The following UNC80 variants were observed in gnomAD, a reference collection of about 807,000 sequenced individuals.
The protein encoded by UNC80 is protein unc-80 homolog.
UNC80 carries 164 observed loss-of-function variants against 384.6 expected under a neutral mutation model. The ratio of observed to expected loss-of-function variants is 0.43; its 90% confidence interval spans 0.38 to 0.49. UNC80 has a LOEUF of 0.49. Ranked by LOEUF, UNC80 falls within the 20% of genes least tolerant of loss-of-function variation. The probability of loss-of-function intolerance (pLI) is 0.00; values close to 1 mark genes in which losing one functional copy is unlikely to be tolerated. For missense variants in UNC80, 3,330 were observed against 4,143.0 expected (o/e 0.80, Z 5.39); for synonymous variants, 1,486 against 1,527.8 (o/e 0.97, Z 0.64).
intron 36 of UNC80, among the ~76,000 whole-genome samples, chr2:209,929,016 T>G (rs2090645998): frequency 6.6e-6 from 1 of 152,218 alleles, no homozygotes; most frequent in African/African-American, 2.4e-5. Flanking sequence ...CTATTTTAAT[T>G]AGTTATAGAG....
chr2:209,786,270 C>T, intron 5 of UNC80, 81 bp downstream of exon 5: 6 of 1,477,558 alleles, frequency 4.1e-6, no homozygotes, highest in Non-Finnish European at 5.4e-6. Flanking sequence ...ATAATTTGCC[C>T]CTAAGAAGTC....
At chr2:209,831,896 G>C (rs572723325) in intron 16 of UNC80, among the ~76,000 whole-genome samples, 1 of 152,248 alleles carries the variant, frequency 6.6e-6, no homozygotes, top group East Asian at 1.9e-4. Context: ...CTAGAGCACA[G>C]CTTGTTGGCT....
At chr2:209,857,876 T>C (rs2083052443) in intron 22 of UNC80, among the ~76,000 whole-genome samples, 1 of 152,226 alleles carries the variant, frequency 6.6e-6, no homozygotes, top group Non-Finnish European at 1.5e-5. Context: ...TCAATTTGTG[T>C]TGTTAATTTC....
rs182116110 is a variant in UNC80, at chr2:209,815,679, G to T, written c.1335+288G>T. 1.1e-4 allele frequency among the ~76,000 whole-genome samples: 17 copies of T among 152,274 alleles called. No individual in the cohort carries two copies. The East Asian group carries it at 2.1e-3, about 19-fold the overall frequency. On this transcript the variant is annotated intron_variant, in intron 9 of 64. Transcript: ENST00000673920. ...TAGTGTGGTGGTGGAAGTAGTTGTG[G>T]TAACGATGATGGTAACTTTCAACTC...
Position 209,993,307 on chromosome 2 carries a change from C to G in UNC80, c.9397-8C>G. On this transcript the variant is annotated splice_polypyrimidine_tract_variant and splice_region_variant and intron_variant, in intron 62 of 64. Coordinates refer to ENST00000673920, the MANE Select transcript of UNC80 (RefSeq NM_001371986.1). ...TCTTGCAAGTTTTATTCTGCCTATT[C>G]TCTTTAGCTAAGACGTCCTCTACTA... 1.9e-6 allele frequency: 3 copies of G among 1,550,598 alleles called. No homozygotes were observed. The highest frequency in any genetic ancestry group is 2.6e-6 in the Non-Finnish European group (3 of 1,146,124).
intron 27 of UNC80, among the ~76,000 whole-genome samples, chr2:209,894,933 A>G (rs558609010): frequency 4.6e-5 from 7 of 152,302 alleles, no homozygotes; most frequent in African/African-American, 1.7e-4. Flanking sequence ...TCAACAAGTC[A>G]TTTAGGTTCT....
chr2:209,869,678 G>A (rs1240500927), intron 22 of UNC80, among the ~76,000 whole-genome samples: 3 of 152,232 alleles, frequency 2.0e-5, no homozygotes, highest in South Asian at 4.1e-4. Context: ...GATGGAAACA[G>A]TGACATTTCC....
chr2:209,849,373 T>C, intron 21 of UNC80, 78 bp from the exon 22 acceptor site: 5 of 1,485,022 alleles, frequency 3.4e-6, no homozygotes, highest in Non-Finnish European at 4.6e-6. Context: ...CACTGTTATA[T>C]CTTTGAAACT....
Position 209,976,925 on chromosome 2 carries a change from C to A in UNC80, c.8785C>A (p.Pro2929Thr). The change falls in exon 58 of 65, where the codon CCA becomes ACA. Residue 2929 changes from proline to threonine, a missense_variant. Transcript: ENST00000673920. The surrounding 1 kb of genome is among the most constrained non-coding windows in gnomAD (Gnocchi z 4.3). Reference sequence around the variant, plus strand: ...GCCTTCCTTTCAGCTGCTGGCCCAACCAGCAGAGAATCATGAAGAGCTTTC... The same window carrying A: ...GCCTTCCTTTCAGCTGCTGGCCCAAACAGCAGAGAATCATGAAGAGCTTTC... ...PFIQCKLLAQ[P>T]AENHEELSAR... 21 of 1,515,912 alleles carry A rather than the reference C, an allele frequency of 1.4e-5. No homozygotes were observed. Among genetic ancestry groups the A allele is most frequent in the Non-Finnish European group, 1.8e-5 (20 of 1,117,658 alleles). 93.9% of individuals were successfully genotyped at this position (1,515,912 alleles called of 1,614,324 possible).
At chr2:209,788,651 A>G (rs573416885) in intron 5 of UNC80, among the ~76,000 whole-genome samples, 2 of 144,314 alleles carry the variant, frequency 1.4e-5, no homozygotes, top group Non-Finnish European at 3.0e-5. Flanking sequence ...TAAAAAGCTT[A>G]TAGAATAAAG....
chr2:209,820,602 G>C lies in UNC80; in HGVS notation c.2254G>C (p.Gly752Arg), dbSNP rs1211114933. Residue 752 changes from glycine (G) to arginine (R), a missense_variant, in exon 13 of 65, where the codon GGT becomes CGT. By Grantham distance (125) the Gly-to-Arg change is moderately radical. This residue lies in a region of UNC80 where 937 missense variants were observed against 1,026.8 expected (regional missense o/e 0.91). Coordinates refer to ENST00000673920, the MANE Select transcript of UNC80 (RefSeq NM_001371986.1). ...GEEGGGGDGG[G>R]GGGDGGGGGG... Reference sequence around the variant, plus strand: ...AGAAGGAGGAGGTGGAGATGGAGGAGGTGGAGGAGGTGATGGAGGAGGAGG... The same window carrying C: ...AGAAGGAGGAGGTGGAGATGGAGGACGTGGAGGAGGTGATGGAGGAGGAGG... 6.4e-7 allele frequency: 1 copy of C among 1,551,050 alleles called. No individual in the cohort carries two copies. The highest frequency in any genetic ancestry group is 8.7e-7 in the Non-Finnish European group (1 of 1,146,672).
At chr2:209,867,220 T>C (rs1221079778) in intron 22 of UNC80, among the ~76,000 whole-genome samples, 1 of 152,186 alleles carries the variant, frequency 6.6e-6, no homozygotes, top group African/African-American at 2.4e-5. Flanking sequence ...CTACAATGGA[T>C]CTACTGAATC....
chr2:209,833,378 A>T (rs186576467), intron 16 of UNC80, among the ~76,000 whole-genome samples: 29 of 152,202 alleles, frequency 1.9e-4, no homozygotes, highest in African/African-American at 7.0e-4. Context: ...AAAGTCCAGC[A>T]TATATTTTTA....
chr2:209,905,284 T>A (rs778497257), intron 29 of UNC80, among the ~76,000 whole-genome samples: 3 of 152,196 alleles, frequency 2.0e-5, no homozygotes, highest in Non-Finnish European at 2.9e-5. Flanking sequence ...TCCTAATCTC[T>A]GGAAATTGTG....
chr2:209,965,438 T>C (rs989493870), intron 51 of UNC80, among the ~76,000 whole-genome samples: 2 of 151,966 alleles, frequency 1.3e-5, no homozygotes, highest in Non-Finnish European at 2.9e-5. Context: ...ATATACAGAT[T>C]TCTGGGCCCA....
intron 2 of UNC80, 77 bp from the exon 3 acceptor site, chr2:209,775,812 A>T (rs1357505382): frequency 8.8e-6 from 13 of 1,476,256 alleles, no homozygotes; most frequent in African/African-American, 2.8e-5. Context: ...TTTTTCACTA[A>T]CCAGAATCTT....
At chr2:209,966,726 T>C (rs2092751937) in intron 51 of UNC80, among the ~76,000 whole-genome samples, 1 of 152,226 alleles carries the variant, frequency 6.6e-6, no homozygotes, top group African/African-American at 2.4e-5. Flanking sequence ...CCTCTGGCAG[T>C]TCCTGTATGG....
chr2:209,829,296 A>T lies in UNC80; in HGVS notation c.2543A>T (p.Asp848Val). 6.4e-7 allele frequency: 1 copy of T among 1,551,426 alleles called. No individual in the cohort carries two copies. The highest frequency in any genetic ancestry group is 8.7e-7 in the Non-Finnish European group (1 of 1,146,814). The change falls in exon 15 of 65, where the codon GAC (aspartate) becomes GTC (valine). Residue 848 changes from aspartate (D) to valine (V), a missense_variant. Coordinates refer to ENST00000673920, the MANE Select transcript of UNC80 (RefSeq NM_001371986.1). ...DKMQFRQTMRDYVNKDSLNNV... is the reference protein window; with the variant it reads ...DKMQFRQTMRVYVNKDSLNNV... ...ATGCAGTTCCGACAAACCATGAGGGACTATGTGAACAAGGACTCTCTCAAT... is the reference window on the plus strand; with the variant it reads ...ATGCAGTTCCGACAAACCATGAGGGTCTATGTGAACAAGGACTCTCTCAAT...
At chr2:209,787,785 C>T (rs935733055) in intron 5 of UNC80, among the ~76,000 whole-genome samples, 2 of 152,160 alleles carry the variant, frequency 1.3e-5, no homozygotes, top group Non-Finnish European at 2.9e-5. Flanking sequence ...TATGTATTTA[C>T]TATACCATAC....
Sources: gnomAD v4.1 joint callset for allele counts (sites outside exome capture counted in the v4.1 genomes callset) on GRCh38, gnomAD v4.1.1 for gene constraint, gnomAD v4.1.1 regional missense constraint, Gnocchi (gnomAD v3.1) non-coding constraint, MANE v1.5 for transcripts, NCBI Gene and HGNC (gene_info 2026-07-23, HGNC 2026-07-21) for gene names.